Variants in NIPSNAP3B observed in about 807,000 individuals in gnomAD.
NIPSNAP3B encodes nipsnap homolog 3B, also known as protein NipSnap homolog 3B.
NIPSNAP3B carries 30 observed loss-of-function variants against 31.5 expected under a neutral mutation model. The observed-to-expected ratio is 0.95, with a 90% CI of 0.71 to 1.29. The LOEUF (loss-of-function observed/expected upper bound fraction) is 1.29. NIPSNAP3B is among the 50% of genes most tolerant of loss of function. The probability of loss-of-function intolerance (pLI) is 0.00; values close to 1 mark genes in which losing one functional copy is unlikely to be tolerated. For missense variants in NIPSNAP3B, 269 were observed against 300.7 expected, an observed-to-expected ratio of 0.89 and a Z score of 0.78; for synonymous variants, 106 against 107.9, an observed-to-expected ratio of 0.98 and a Z score of 0.11.
At chr9:104,783,584 T>C in the NIPSNAP3B span, 4 of 152,376 alleles carry the variant, frequency 2.6e-5, no homozygotes, top group African/African-American at 7.2e-5. Context: ...GCTCGAAGCA[T>C]AGGACAATAT....
the NIPSNAP3B span, among the ~76,000 whole-genome samples, chr9:104,789,593 T>C: frequency 6.6e-6 from 1 of 152,248 alleles, no homozygotes; most frequent in Non-Finnish European, 1.5e-5. Flanking sequence ...ACCAGCACTT[T>C]TTTAATGACG....
chr9:104,787,061 G>C, the NIPSNAP3B span: 2 of 1,149,636 alleles, frequency 1.7e-6, no homozygotes, highest in Non-Finnish European at 2.5e-6. Context: ...AAGCATCTTT[G>C]AAACAGCTTA....
At chr9:104,769,221 A>G (rs920115698) in intron 3 of NIPSNAP3B, among the ~76,000 whole-genome samples, 200 bp downstream of exon 3, 4 of 152,166 alleles carry the variant, frequency 2.6e-5, no homozygotes, top group African/African-American at 9.6e-5. Flanking sequence ...TGGAAGGCCG[A>G]GGCGGGCGAA....
chr9:104,769,359 C>G (rs1828159312), intron 3 of NIPSNAP3B, among the ~76,000 whole-genome samples: 1 of 145,044 alleles, frequency 6.9e-6, no homozygotes, highest in South Asian at 2.1e-4. Context: ...GAGGCTGAGG[C>G]AGGGGAATGG....
rs1247819596 is a variant in NIPSNAP3B, at chr9:104,776,921, AT to A, written c.*3852del. On this transcript the variant is annotated 3_prime_UTR_variant, in exon 6 of 6. Transcript: ENST00000374762. Reference sequence around the variant, plus strand: ...GAAGTACATCATTCCTTCACATGTCATTTTGAGCCACTGTTAACAGATTACA... The same window carrying A: ...GAAGTACATCATTCCTTCACATGTCATTTGAGCCACTGTTAACAGATTACA... Among the ~76,000 whole-genome samples the A allele has an allele frequency of 1.7e-4, 26 of 152,354 alleles. 1 individual carries two copies. The highest frequency in any genetic ancestry group is 1.7e-3 in the South Asian group (8 of 4,832).
intron 1 of NIPSNAP3B, 60 bp downstream of exon 1, chr9:104,764,360 A>G (rs1828045391): frequency 7.1e-7 from 1 of 1,407,864 alleles, no homozygotes; most frequent in African/African-American, 1.5e-5. Context: ...GGCGGGGGGT[A>G]TTTCTGAAGC....
At chr9:104,786,257 C>A in the NIPSNAP3B span, 1 of 1,478,576 alleles carries the variant, frequency 6.8e-7, no homozygotes, top group Non-Finnish European at 9.4e-7. Flanking sequence ...AATATCAAGC[C>A]TTCTCACTAG....
Position 104,764,144 on chromosome 9 carries a change from C to T in NIPSNAP3B, c.-97C>T. 1.7e-6 allele frequency: 2 copies of T among 1,189,864 alleles called. No individual in the cohort carries two copies. The allele number at this position is 1,189,864 out of a possible 1,614,324, so 73.7% of individuals were successfully genotyped here. A position where few individuals can be genotyped will look rare whatever the true frequency, so the allele number is the denominator to read the frequency against. On this transcript the variant is annotated 5_prime_UTR_variant, in exon 1 of 6. Coordinates refer to ENST00000374762, the MANE Select transcript of NIPSNAP3B (RefSeq NM_018376.4). Reference sequence around the variant, plus strand: ...GAGTCCCGCCCCTGCCTGAGTTCGCCAGTGGTCCAGGAGCCGCTTTTTTCC... The same window carrying T: ...GAGTCCCGCCCCTGCCTGAGTTCGCTAGTGGTCCAGGAGCCGCTTTTTTCC...
the NIPSNAP3B span, chr9:104,788,152 C>T: frequency 7.4e-7 from 1 of 1,356,246 alleles, no homozygotes; most frequent in Non-Finnish European, 1.1e-6. Context: ...CTGAGTAGGA[C>T]TAGATTCTAT....
chr9:104,773,359 T>G lies in NIPSNAP3B; in HGVS notation c.*286T>G. The G allele has an allele frequency of 6.6e-6, 2 of 303,326 alleles. No homozygotes were observed. Among genetic ancestry groups the G allele is most frequent in the Non-Finnish European group, 1.2e-5 (2 of 164,068 alleles). 18.8% of individuals were successfully genotyped at this position (303,326 alleles called of 1,614,324 possible). The stretch of plus-strand genomic sequence containing the variant: ...TTTGTTTTAGAATACCTCTTCTGTA[T>G]TTTGATAACTCATTGCTTTATAGCA... On this transcript the variant is annotated 3_prime_UTR_variant, in exon 6 of 6. Transcript: ENST00000374762.
In NIPSNAP3B at chr9:104,776,193, C is replaced by A. The variant is rs763288941; in HGVS notation, c.*3120C>A. Among the ~76,000 whole-genome samples, 1 of 152,158 alleles carries A rather than the reference C, an allele frequency of 6.6e-6. No individual in the cohort carries two copies. Among genetic ancestry groups the A allele is most frequent in the Non-Finnish European group, 1.5e-5 (1 of 68,028 alleles). ...CAGACCTGACCTAAGAGGCTTTTCT[C>A]TGAACTTGCTAAACATGCTCTTACC... is the stretch of plus-strand genomic sequence containing the variant. On this transcript the variant is annotated 3_prime_UTR_variant, in exon 6 of 6. Coordinates refer to ENST00000374762, the MANE Select transcript of NIPSNAP3B (RefSeq NM_018376.4).
At chr9:104,768,828 A>G (rs763505644) in intron 2 of NIPSNAP3B, 35 bp from the exon 3 acceptor site, 2 of 1,573,784 alleles carry the variant, frequency 1.3e-6, no homozygotes, top group Non-Finnish European at 1.7e-6. Flanking sequence ...GATTTTAAAT[A>G]AAAAAACATT....
the NIPSNAP3B span, among the ~76,000 whole-genome samples, chr9:104,784,976 T>C: frequency 6.6e-6 from 1 of 152,014 alleles, no homozygotes; most frequent in Non-Finnish European, 1.5e-5. Flanking sequence ...CCCCCACCCC[T>C]ACATCACCAA....
the NIPSNAP3B span, among the ~76,000 whole-genome samples, chr9:104,784,608 A>T: frequency 6.6e-6 from 1 of 152,188 alleles, no homozygotes; most frequent in Non-Finnish European, 1.5e-5. Context: ...TGAAGGAGGG[A>T]AGAATACTTG....
chr9:104,771,312 C>T (rs577283904), intron 4 of NIPSNAP3B: 2 of 198,964 alleles, frequency 1.0e-5, no homozygotes, highest in South Asian at 2.3e-4. Context: ...TATTTAATCA[C>T]TCAGGTATTA....
intron 2 of NIPSNAP3B, among the ~76,000 whole-genome samples, chr9:104,768,193 G>A (rs1828129543): frequency 6.6e-6 from 1 of 152,132 alleles, no homozygotes; most frequent in African/African-American, 2.4e-5. Context: ...CTTGGTAAAT[G>A]TATATACCTG....
At chr9:104,772,415 T>A (rs929768736) in intron 4 of NIPSNAP3B, among the ~76,000 whole-genome samples, 2 of 152,136 alleles carry the variant, frequency 1.3e-5, no homozygotes, top group Non-Finnish European at 2.9e-5. Context: ...TAATTTTTTT[T>A]AAAGGAAACA....
the NIPSNAP3B span, chr9:104,790,858 T>C: frequency 5.2e-6 from 6 of 1,144,588 alleles, no homozygotes; most frequent in Admixed American, 5.1e-5. Flanking sequence ...AATAACAACC[T>C]ATTTCTTTAA....
downstream of NIPSNAP3B, chr9:104,781,905 A>C (rs1414036084): frequency 2.0e-5 from 3 of 152,230 alleles, no homozygotes; most frequent in African/African-American, 7.2e-5. Context: ...AAAATGTAAA[A>C]AATTACTATT....
Sources: allele counts gnomAD v4.1 joint callset (sites outside exome capture counted in the v4.1 genomes callset), GRCh38; gene constraint gnomAD v4.1.1; transcripts MANE v1.5; gene names NCBI Gene and HGNC (gene_info 2026-07-23, HGNC 2026-07-21).